Variants in C8A observed in about 807,000 individuals in gnomAD.
The protein encoded by C8A is complement C8 alpha chain.
In C8A, 67 loss-of-function variants were observed where a neutral mutation model predicts 65.3. The observed-to-expected ratio is 1.03, with a 90% CI of 0.84 to 1.26. C8A has a LOEUF of 1.26. Among genes scored for constraint, C8A ranks in the 50% most tolerant of loss-of-function variants. The pLI is 0.00. For synonymous variants in C8A, 290 were observed against 259.4 expected (o/e 1.12, Z -1.13); for missense variants, 781 against 723.9 (o/e 1.08, Z -0.90).
At chr1:56,859,996 G>A (rs1431236044) in intron 1 of C8A, among the ~76,000 whole-genome samples, 1 of 152,180 alleles carries the variant, frequency 6.6e-6, no homozygotes, top group African/African-American at 2.4e-5. Context: ...CTGGGAGCCG[G>A]AGGCTGCAGG....
chr1:56,898,654 A>G (rs1034238646), intron 7 of C8A, among the ~76,000 whole-genome samples: 2 of 152,146 alleles, frequency 1.3e-5, no homozygotes, highest in Admixed American at 6.5e-5. Flanking sequence ...CAGTGTACTC[A>G]GGACTTAGAT....
intron 4 of C8A, among the ~76,000 whole-genome samples, chr1:56,878,641 A>G (rs17114511): frequency 0.03 from 4,566 of 152,068 alleles, 212 homozygotes; most frequent in African/African-American, 0.097. Context: ...TAATTTAAGC[A>G]TTTCCCAGAT....
At chr1:56,870,712 T>C (rs981277992) in intron 2 of C8A, among the ~76,000 whole-genome samples, 1 of 147,052 alleles carries the variant, frequency 6.8e-6, no homozygotes, top group Admixed American at 6.7e-5. Context: ...AGACAGCAGG[T>C]ACCACAAGAC....
At chr1:56,915,174 T>C (rs1471242270) in intron 10 of C8A, among the ~76,000 whole-genome samples, 1 of 152,198 alleles carries the variant, frequency 6.6e-6, no homozygotes. Context: ...GGGTTGTTAC[T>C]TGTTCAAATT....
At chr1:56,900,198 C>T (rs1386429886) in intron 7 of C8A, among the ~76,000 whole-genome samples, 1 of 152,148 alleles carries the variant, frequency 6.6e-6, no homozygotes. Flanking sequence ...ACACACCATG[C>T]ATGATGAATG....
intron 7 of C8A, among the ~76,000 whole-genome samples, chr1:56,900,295 G>T (rs964522589): frequency 4.6e-5 from 7 of 152,122 alleles, no homozygotes; most frequent in Non-Finnish European, 8.8e-5. Flanking sequence ...CCTGATTCTT[G>T]GGCCTGTTAG....
At chr1:56,876,913 C>T (rs1254522922) in intron 4 of C8A, among the ~76,000 whole-genome samples, 2 of 152,148 alleles carry the variant, frequency 1.3e-5, no homozygotes, top group Non-Finnish European at 2.9e-5. Flanking sequence ...TTTGTCTCCC[C>T]TTACCCCCAC....
At chr1:56,862,454 T>C (rs180858352) in intron 1 of C8A, among the ~76,000 whole-genome samples, 1 of 152,314 alleles carries the variant, frequency 6.6e-6, no homozygotes, top group African/African-American at 2.4e-5. Context: ...ACCTTCAATA[T>C]GTTATTGAGC....
intron 5 of C8A, 34 bp from the exon 6 acceptor site, chr1:56,883,447 G>C (rs746307959): frequency 6.4e-7 from 1 of 1,558,482 alleles, no homozygotes; most frequent in Admixed American, 1.7e-5. Context: ...GGCTCTATGT[G>C]CACAAAGCTA....
rs1292119590 is a variant in C8A at position 56,894,730 on chromosome 1, AT to A, written c.1096+8566del. On this transcript the variant is annotated intron_variant, in intron 7 of 10. Coordinates refer to ENST00000361249, the MANE Select transcript of C8A (RefSeq NM_000562.3). The stretch of plus-strand genomic sequence containing the variant: ...TCCTCTAGCCTTTCCCTCGACAAAC[AT>A]TTATGAAGTACACATAACATGGGAA... Among the ~76,000 whole-genome samples, 10 of 152,074 alleles carry A rather than the reference AT, an allele frequency of 6.6e-5. No individual in the cohort carries two copies. In the East Asian group the frequency reaches 1.7e-3, roughly 26 times the overall value.
At chr1:56,914,552 A>G (rs1401837145) in intron 10 of C8A, among the ~76,000 whole-genome samples, 1 of 152,198 alleles carries the variant, frequency 6.6e-6, no homozygotes, top group Non-Finnish European at 1.5e-5. Flanking sequence ...TTCATGCAGT[A>G]GACCTGGTTT....
In C8A at chr1:56,875,083, T is replaced by C. The variant is rs374164322; in HGVS notation, c.306T>C (p.Cys102=). 11 of 1,613,414 alleles carry C rather than the reference T, an allele frequency of 6.8e-6. No homozygotes were observed. Among genetic ancestry groups the C allele is most frequent in the Non-Finnish European group, 8.5e-6 (10 of 1,179,718 alleles). ...RQAQCGQDFQ[C]KETGRCLKRH... ...CACAGTGTGGACAGGATTTCCAGTG[T>C]AAGGAGACAGGTGAGTAGCATTTCA... Residue 102 remains cysteine, a synonymous_variant, in exon 3 of 11, where the codon TGT becomes TGC. Transcript: ENST00000361249.
chr1:56,899,122 C>A lies in C8A; in HGVS notation c.1097-7545C>A, dbSNP rs528606959. 1.2e-4 allele frequency among the ~76,000 whole-genome samples: 19 copies of A among 152,248 alleles called. No homozygotes were observed. In the South Asian group the frequency reaches 3.9e-3, roughly 32 times the overall value. Reference sequence around the variant, plus strand: ...GATGGTATTGATTGACTGACAGACTCCTAGTTTCTTGGCTCTGTCCTTACT... The same window carrying A: ...GATGGTATTGATTGACTGACAGACTACTAGTTTCTTGGCTCTGTCCTTACT... On this transcript the variant is annotated intron_variant, in intron 7 of 10. Coordinates refer to ENST00000361249, the MANE Select transcript of C8A (RefSeq NM_000562.3).
chr1:56,906,865 G>A lies in C8A; in HGVS notation c.1222+73G>A, dbSNP rs1644470562. 9.5e-6 allele frequency: 15 copies of A among 1,585,890 alleles called. No homozygotes were observed. The South Asian group carries it at 1.4e-4, about 15-fold the overall frequency. ...TTTGGACACACACTGGGACATGGAA[G>A]CTATTTTTTTTCCCAGTTGATTGCA... On this transcript the variant is annotated intron_variant, in intron 8 of 10. Coordinates refer to ENST00000361249, the MANE Select transcript of C8A (RefSeq NM_000562.3).
chr1:56,873,394 A>G (rs866121548), intron 2 of C8A, among the ~76,000 whole-genome samples: 13 of 152,316 alleles, frequency 8.5e-5, no homozygotes, highest in South Asian at 4.1e-4. Flanking sequence ...ACTGGAAGAC[A>G]GAAGCTCAGA....
At chr1:56,887,804 C>CA (rs1231461103) in intron 7 of C8A, among the ~76,000 whole-genome samples, 1 of 151,926 alleles carries the variant, frequency 6.6e-6, no homozygotes, top group African/African-American at 2.4e-5. Context: ...TATGCAGCCA[C>CA]AAAAAAGGAT....
chr1:56,906,528 G>C, intron 7 of C8A, 139 bp from the exon 8 acceptor site: 2 of 909,298 alleles, frequency 2.2e-6, no homozygotes. Flanking sequence ...ACTGAAATTG[G>C]ATTAAAGAAC....
intron 7 of C8A, among the ~76,000 whole-genome samples, chr1:56,902,641 C>T (rs971687011): frequency 6.6e-6 from 1 of 152,096 alleles, no homozygotes. Context: ...ATTAGTAATT[C>T]TACCTTTCCT....
At chr1:56,871,226 C>G (rs1235193732) in intron 2 of C8A, among the ~76,000 whole-genome samples, 1 of 152,210 alleles carries the variant, frequency 6.6e-6, no homozygotes, top group African/African-American at 2.4e-5. Context: ...CTGTAAATGA[C>G]AGACATCATC....
Sources: allele counts gnomAD v4.1 joint callset (sites outside exome capture counted in the v4.1 genomes callset), GRCh38; gene constraint gnomAD v4.1.1; transcripts MANE v1.5; gene names NCBI Gene and HGNC (gene_info 2026-07-23, HGNC 2026-07-21).